The following PROM2 variants were observed in gnomAD, a reference collection of about 807,000 sequenced individuals.
The protein encoded by PROM2 is prominin 2.
PROM2 carries 90 observed loss-of-function variants against 110.2 expected under a neutral mutation model. The ratio of observed to expected loss-of-function variants is 0.82; its 90% CI spans 0.69 to 0.97. The LOEUF (loss-of-function observed/expected upper bound fraction) is 0.97. Among genes scored for constraint, PROM2 ranks in the 50% least tolerant of loss-of-function variants. The probability of loss-of-function intolerance (pLI) is 0.00; values close to 1 mark genes in which losing one functional copy is unlikely to be tolerated. For missense variants in PROM2, 1,009 were observed against 1,074.8 expected (o/e 0.94, Z 0.86); for synonymous variants, 470 against 467.8 (o/e 1.00, Z -0.06).
chr2:95,286,983 T>C, intron 18 of PROM2, 126 bp downstream of exon 18: 7 of 1,304,296 alleles, frequency 5.4e-6, no homozygotes, highest in Non-Finnish European at 6.5e-6. Flanking sequence ...GGGAGGAAGA[T>C]GGGGGTGGCA....
intron 20 of PROM2, among the ~76,000 whole-genome samples, 160 bp downstream of exon 20, chr2:95,287,624 T>C (rs1677450229): frequency 6.6e-6 from 1 of 152,088 alleles, no homozygotes; most frequent in African/African-American, 2.4e-5. Flanking sequence ...CCCTGCTTGC[T>C]GGCTGAGCTC....
chr2:95,276,068 AAGGCGCTGGCCTGTG>A lies in PROM2; in HGVS notation c.436_450del (p.Ala146_Glu150del). ...CGGGGGACGAGTGAAGACAGAGCAC[AAGGCGCTGGCCTGTG>A]AGCGCGCGGCCCTCATGGTCTTCCT... On this transcript the variant is annotated inframe_deletion, in exon 3 of 24. Coordinates refer to ENST00000317620, the MANE Select transcript of PROM2 (RefSeq NM_001165978.3). The surrounding 1 kb of genome is among the most constrained non-coding windows in gnomAD (Gnocchi z 4.6). 4 of 1,611,386 alleles carry A rather than the reference AAGGCGCTGGCCTGTG, an allele frequency of 2.5e-6. No individual in the cohort carries two copies. Among genetic ancestry groups the A allele is most frequent in the Non-Finnish European group, 3.4e-6 (4 of 1,179,900 alleles).
At chr2:95,287,554 C>T (rs1677445920) in intron 20 of PROM2, 90 bp downstream of exon 20, 2 of 1,361,488 alleles carry the variant, frequency 1.5e-6, no homozygotes, top group South Asian at 2.5e-5. Flanking sequence ...CCCCGGAGCC[C>T]CTTGGGGGTG....
At position 95,281,263 on chromosome 2, in the gene PROM2, C is replaced by T. The variant is rs1483667928; in HGVS notation, c.1449C>T (p.Leu483=). The T allele has an allele frequency of 1.9e-6, 3 of 1,613,160 alleles. No individual in the cohort carries two copies. Among genetic ancestry groups the T allele is most frequent in the Admixed American group, 3.3e-5 (2 of 60,004 alleles). Residue 483 remains leucine (L), a synonymous_variant, in exon 12 of 24, where the codon CTC becomes CTT. Coordinates refer to ENST00000317620, the MANE Select transcript of PROM2 (RefSeq NM_001165978.3). ...CCAGAGGTGTGGGCCTCAGCTTCCT[C>T]TTTGCTGCACCCCTCATCCTCCTGG... is the stretch of plus-strand genomic sequence containing the variant. ...FLMAGVGLSF[L]FAAPLILLVF...
chr2:95,286,478 G>A lies in PROM2; in HGVS notation c.1948-1G>A, dbSNP rs150199405. On this transcript the variant is annotated splice_acceptor_variant, in intron 16 of 23. Transcript: ENST00000317620. LOFTEE classifies it high-confidence loss of function. ...CCGTTCTGATTTTTGTATCCTTTCA[G>A]GACAATTCTGTGCTGGGGCAGCGGC... 23 of 1,613,464 alleles carry A rather than the reference G, an allele frequency of 1.4e-5. No homozygotes were observed. The African/African-American group carries it at 2.1e-4, about 15-fold the overall frequency.
chr2:95,277,318 G>T, intron 6 of PROM2, 46 bp from the exon 7 acceptor site: 1 of 1,553,000 alleles, frequency 6.4e-7, no homozygotes, highest in Non-Finnish European at 8.7e-7. Context: ...AGGCGTCTGG[G>T]GATGCATATG....
At chr2:95,282,529 C>T (rs1377129241) in intron 14 of PROM2, among the ~76,000 whole-genome samples, 1 of 152,142 alleles carries the variant, frequency 6.6e-6, no homozygotes, top group East Asian at 1.9e-4. Flanking sequence ...TGAGGACAGG[C>T]ATTGGCTGGG....
rs139763415 is a variant in PROM2, at chr2:95,277,515, A to G, written c.924A>G (p.Ala308=). ...AGGCCAGGTGCCAGGGAGATTGTGCAGGGGCCCTGAGCTGGGCCCGCACCC... is the reference window on the plus strand; with the variant it reads ...AGGCCAGGTGCCAGGGAGATTGTGCGGGGGCCCTGAGCTGGGCCCGCACCC... ...LQEARCQGDC[A]GALSWARTLE... Residue 308 remains alanine, a synonymous_variant, in exon 7 of 24, where the codon GCA becomes GCG. Transcript: ENST00000317620. The G allele has an allele frequency of 3.9e-3, 6,354 of 1,609,392 alleles. 24 individuals carry two copies. Among genetic ancestry groups the G allele is most frequent in the Non-Finnish European group, 5.0e-3 (5,862 of 1,178,452 alleles).
At position 95,276,266 on chromosome 2, in the gene PROM2, G is replaced by C. The variant is rs374813246; in HGVS notation, c.537G>C (p.Thr179=). The C allele has an allele frequency of 1.5e-5, 25 of 1,613,800 alleles. No individual in the cohort carries two copies. The African/African-American group carries it at 2.4e-4, about 16-fold the overall frequency. Residue 179 remains threonine, a synonymous_variant, in exon 4 of 24, where the codon ACG becomes ACC. Transcript: ENST00000317620. This position sits in a 1 kb window ranked among gnomAD's most constrained non-coding sequence, Gnocchi z 4.6. ...VVCAFVTNQR[T]HEQMGPSIEA... ...GTGCCTTTGTCACCAACCAGCGCAC[G>C]CATGAACAGATGGGCCCCAGCATCG...
rs1375876463 is a variant in PROM2, at chr2:95,290,916, T to G, written c.*1703T>G. On this transcript the variant is annotated 3_prime_UTR_variant, in exon 24 of 24. Transcript: ENST00000317620. ...AGGCTGGAGTGTAGTGGTGCAGTCT[T>G]GGCTCACTGCAACCTCCACCTCCTG... The G allele has an allele frequency of 6.6e-6, 1 of 152,406 alleles. No homozygotes were observed. The highest frequency in any genetic ancestry group is 1.5e-5 in the Non-Finnish European group (1 of 68,284). The allele number at this position is 152,406 out of a possible 1,614,324, so 9.4% of individuals were successfully genotyped here. A position where few individuals can be genotyped will look rare whatever the true frequency, so the allele number is the denominator to read the frequency against.
chr2:95,275,927 C>A lies in PROM2; in HGVS notation c.295-3C>A. The stretch of plus-strand genomic sequence containing the variant: ...CACCCCTCATGCCCTGCTGCCTGCC[C>A]AGGTGGTGCGGTACGAGGCGGGCTA... On this transcript the variant is annotated splice_polypyrimidine_tract_variant and splice_region_variant and intron_variant, in intron 2 of 23. Transcript: ENST00000317620. The surrounding 1 kb of genome is among the most constrained non-coding windows in gnomAD (Gnocchi z 4.4). The A allele has an allele frequency of 6.2e-7, 1 of 1,608,140 alleles. No homozygotes were observed. The highest frequency in any genetic ancestry group is 1.1e-5 in the South Asian group (1 of 90,088).
At chr2:95,284,820 C>T (rs1677249938) in intron 14 of PROM2, 149 bp from the exon 15 acceptor site, 4 of 942,278 alleles carry the variant, frequency 4.2e-6, no homozygotes, top group Non-Finnish European at 6.2e-6. Flanking sequence ...ACCTTCACCC[C>T]CAACACCGGG....
intron 14 of PROM2, among the ~76,000 whole-genome samples, chr2:95,284,356 T>G (rs1247854866): frequency 6.6e-6 from 1 of 152,020 alleles, no homozygotes; most frequent in Non-Finnish European, 1.5e-5. Context: ...CCAGGTGTGG[T>G]TTCTTGCACC....
chr2:95,276,887 G>A lies in PROM2; in HGVS notation c.683-85G>A, dbSNP rs922994257. On this transcript the variant is annotated intron_variant, in intron 5 of 23. Coordinates refer to ENST00000317620, the MANE Select transcript of PROM2 (RefSeq NM_001165978.3). This position sits in a 1 kb window ranked among gnomAD's most constrained non-coding sequence, Gnocchi z 4.6. ...CACCCCCCGGCTCCTGCAGAGCCCG[G>A]TGGGGCCTGGGGAGGCAGGATGGGA... 4 of 1,426,372 alleles carry A rather than the reference G, an allele frequency of 2.8e-6. No homozygotes were observed. In the African/African-American group the frequency reaches 5.7e-5, roughly 20 times the overall value. 88.4% of individuals were successfully genotyped at this position (1,426,372 alleles called of 1,614,324 possible). A position where few individuals can be genotyped will look rare whatever the true frequency, so the allele number is the denominator to read the frequency against.
In PROM2 at chr2:95,276,484, G is replaced by A. The variant is rs191356418; in HGVS notation, c.619-110G>A. On this transcript the variant is annotated intron_variant, in intron 4 of 23. Transcript: ENST00000317620. This position sits in a 1 kb window ranked among gnomAD's most constrained non-coding sequence, Gnocchi z 4.6. The stretch of plus-strand genomic sequence containing the variant: ...CCTCTCCCGCCCTTGCCTGAGAGTC[G>A]ACCACCCTCAGGGTGGATGCCATAG... 6 of 1,594,448 alleles carry A rather than the reference G, an allele frequency of 3.8e-6. No individual in the cohort carries two copies. Among genetic ancestry groups the A allele is most frequent in the Middle Eastern group, 1.7e-4 (1 of 6,004 alleles).
At position 95,291,091 on chromosome 2, in the gene PROM2, A is replaced by G. The variant is rs1677659367; in HGVS notation, c.*1878A>G. 1 of 152,178 alleles carries G rather than the reference A, an allele frequency of 6.6e-6. No individual in the cohort carries two copies. The allele number at this position is 152,178 out of a possible 1,614,324, so 9.4% of individuals were successfully genotyped here. On this transcript the variant is annotated 3_prime_UTR_variant, in exon 24 of 24. Coordinates refer to ENST00000317620, the MANE Select transcript of PROM2 (RefSeq NM_001165978.3). ...GTGTCTATGTTTAACTGCATCTTAT[A>G]AACCAGCAACAAGTTTTCTACTGGG... is the stretch of plus-strand genomic sequence containing the variant.
rs1437098653 is a variant in PROM2 at position 95,278,792 on chromosome 2, C to G, written c.1114+8C>G. 3.7e-6 allele frequency: 6 copies of G among 1,613,904 alleles called. No individual in the cohort carries two copies. Among genetic ancestry groups the G allele is most frequent in the Non-Finnish European group, 5.1e-6 (6 of 1,180,022 alleles). On this transcript the variant is annotated splice_region_variant and intron_variant, in intron 9 of 23. Coordinates refer to ENST00000317620, the MANE Select transcript of PROM2 (RefSeq NM_001165978.3). ...CATCCAGCGTGGTGCAAGGTTAGGCCACACGGGTCAGAGGCAGCTGCCAGG... is the reference window on the plus strand; with the variant it reads ...CATCCAGCGTGGTGCAAGGTTAGGCGACACGGGTCAGAGGCAGCTGCCAGG...
At chr2:95,288,871 C>T (rs1573466166) in intron 22 of PROM2, 62 bp from the exon 23 acceptor site, 18 of 1,521,400 alleles carry the variant, frequency 1.2e-5, no homozygotes, top group Non-Finnish European at 1.6e-5. Flanking sequence ...GGGTTTGTCC[C>T]TGTGTCAGGG....
intron 6 of PROM2, 34 bp downstream of exon 6, chr2:95,277,095 C>T (rs1199174815): frequency 2.6e-6 from 4 of 1,528,478 alleles, no homozygotes; most frequent in Non-Finnish European, 3.5e-6. Flanking sequence ...TAGTGTGGAG[C>T]CCAGCGGGTG....
Sources: gnomAD v4.1 joint callset for allele counts (sites outside exome capture counted in the v4.1 genomes callset) on GRCh38, gnomAD v4.1.1 for gene constraint, Gnocchi (gnomAD v3.1) non-coding constraint, MANE v1.5 for transcripts, NCBI Gene and HGNC (gene_info 2026-07-23, HGNC 2026-07-21) for gene names.